Variants in NOL4 observed in about 807,000 individuals in gnomAD.
NOL4 encodes cancer/testis antigen 125.
In NOL4, 17 loss-of-function variants were observed where a neutral mutation model predicts 75.9. The observed-to-expected ratio is 0.22, with a 90% CI of 0.15 to 0.34. The LOEUF (loss-of-function observed/expected upper bound fraction) is 0.34, where lower values mean the gene tolerates loss of function less well. Ranked by LOEUF, NOL4 falls within the 10% of genes least tolerant of loss-of-function variation. The pLI, the probability that NOL4 is intolerant of heterozygous loss-of-function variation, is 1.00. For missense variants in NOL4, 614 were observed against 793.5 expected, an observed-to-expected ratio of 0.77 and a Z score of 2.72; for synonymous variants, 292 against 289.9, an observed-to-expected ratio of 1.01 and a Z score of -0.07.
At chr18:33,915,245 TG>T (rs1210527145) in intron 9 of NOL4, among the ~76,000 whole-genome samples, 1 of 152,058 alleles carries the variant, frequency 6.6e-6, no homozygotes, top group African/African-American at 2.4e-5. Context: ...GGAATAACTT[TG>T]GTGACGGGGT....
Position 34,024,194 on chromosome 18 carries a change from A to AAATATATATATATATATATATAT in NOL4, c.773-4594_773-4593insATATATATATATATATATATATT. ...CAAAATAAACAGGAAAAAAAAAAAA[A>AAATATATATATATATATATATAT]ATATATATATATATATATATAAAAT... On this transcript the variant is annotated intron_variant, in intron 5 of 10. Transcript: ENST00000261592. Among the ~76,000 whole-genome samples, 96 of 70,632 alleles carry AAATATATATATATATATATATAT rather than the reference A, an allele frequency of 1.4e-3. 2 individuals carry two copies. The highest frequency in any genetic ancestry group is 6.3e-3 in the Middle Eastern group (1 of 158). The allele number at this position is 70,632 out of a possible 152,430, so 46.3% of individuals were successfully genotyped here.
At position 34,096,639 on chromosome 18, in the gene NOL4, C is replaced by T. The variant is rs1331998691; in HGVS notation, c.640-3042G>A. ...CTCTATGAAAATCTATTTTGTTTGA[C>T]AACCAGAAAAAAACTCTCCACATCA... is the stretch of plus-strand genomic sequence containing the variant. On this transcript the variant is annotated intron_variant, in intron 4 of 10. Coordinates refer to ENST00000261592, the MANE Select transcript of NOL4 (RefSeq NM_003787.5). Among the ~76,000 whole-genome samples the T allele has an allele frequency of 3.3e-5, 5 of 152,004 alleles. No individual in the cohort carries two copies. The South Asian group carries it at 6.2e-4, about 19-fold the overall frequency.
At chr18:34,162,988 A>G (rs905473586) in intron 1 of NOL4, among the ~76,000 whole-genome samples, 5 of 152,222 alleles carry the variant, frequency 3.3e-5, no homozygotes, top group Non-Finnish European at 5.9e-5. Flanking sequence ...TAAGACTAAA[A>G]TCACGTGATT....
At chr18:34,038,429 A>G (rs1440682584) in intron 5 of NOL4, among the ~76,000 whole-genome samples, 4 of 152,034 alleles carry the variant, frequency 2.6e-5, no homozygotes, top group South Asian at 2.1e-4. Context: ...GAGGATACCT[A>G]CACTAGCATG....
At chr18:33,861,854 T>C (rs1481419284) in intron 10 of NOL4, among the ~76,000 whole-genome samples, 1 of 152,050 alleles carries the variant, frequency 6.6e-6, no homozygotes, top group Non-Finnish European at 1.5e-5. Context: ...CCAAGGTAAT[T>C]TATAGATTCA....
At chr18:34,024,683 T>C (rs2075257454) in intron 5 of NOL4, among the ~76,000 whole-genome samples, 1 of 152,148 alleles carries the variant, frequency 6.6e-6, no homozygotes, top group South Asian at 2.1e-4. Context: ...GAATGAATCC[T>C]TGGTAGCACT....
intron 8 of NOL4, among the ~76,000 whole-genome samples, chr18:33,954,701 CT>C (rs1481821575): frequency 6.6e-6 from 1 of 151,996 alleles, no homozygotes; most frequent in Non-Finnish European, 1.5e-5. Flanking sequence ...AAGAACAAGA[CT>C]TTTCCTCTGT....
At chr18:33,984,305 A>C (rs1040089925) in intron 6 of NOL4, among the ~76,000 whole-genome samples, 6 of 152,178 alleles carry the variant, frequency 3.9e-5, no homozygotes, top group Non-Finnish European at 1.5e-5. Context: ...AATATACCTC[A>C]GGATAGACAC....
At chr18:33,901,023 T>G (rs552416014) in intron 9 of NOL4, among the ~76,000 whole-genome samples, 1 of 152,298 alleles carries the variant, frequency 6.6e-6, no homozygotes, top group Non-Finnish European at 1.5e-5. Flanking sequence ...GCTTTGCAAG[T>G]TCATGTGAAT....
intron 1 of NOL4, among the ~76,000 whole-genome samples, chr18:34,145,925 T>G (rs570028760): frequency 7.3e-4 from 111 of 152,228 alleles, no homozygotes; most frequent in Admixed American, 1.2e-3. Context: ...TCAGTGAGAC[T>G]ACATATATAT....
At chr18:34,218,107 AAAAAAC>A (rs1335573707) in intron 1 of NOL4, among the ~76,000 whole-genome samples, 2 of 151,738 alleles carry the variant, frequency 1.3e-5, no homozygotes, top group African/African-American at 2.4e-5. Flanking sequence ...ACCAAAAAAA[AAAAAAC>A]AAAAAACAAA....
intron 6 of NOL4, among the ~76,000 whole-genome samples, chr18:34,012,297 G>A (rs549575816): frequency 6.3e-4 from 96 of 151,250 alleles, no homozygotes; most frequent in African/African-American, 2.3e-3. Flanking sequence ...TAGTAATGTG[G>A]GTATTTATTC....
At chr18:33,998,295 T>C (rs887430353) in intron 6 of NOL4, among the ~76,000 whole-genome samples, 2 of 152,104 alleles carry the variant, frequency 1.3e-5, no homozygotes, top group African/African-American at 4.8e-5. Context: ...CAAATAATGC[T>C]ACTAAAAAAG....
chr18:33,961,375 T>C (rs565559797), intron 6 of NOL4, among the ~76,000 whole-genome samples: 6 of 151,926 alleles, frequency 3.9e-5, no homozygotes, highest in Non-Finnish European at 7.4e-5. Context: ...CTGAATAGAA[T>C]ACAAAGCAGA....
At chr18:33,985,108 A>G (rs1001598738) in intron 6 of NOL4, among the ~76,000 whole-genome samples, 3 of 152,150 alleles carry the variant, frequency 2.0e-5, no homozygotes, top group South Asian at 4.1e-4. Flanking sequence ...AAAACTGATC[A>G]AAAATTATTT....
At chr18:33,894,534 C>T (rs2065285121) in intron 9 of NOL4, among the ~76,000 whole-genome samples, 1 of 152,068 alleles carries the variant, frequency 6.6e-6, no homozygotes, top group African/African-American at 2.4e-5. Context: ...TTGACTAAAT[C>T]CAGACAACCA....
At chr18:33,973,559 G>C (rs980722004) in intron 6 of NOL4, among the ~76,000 whole-genome samples, 1 of 152,148 alleles carries the variant, frequency 6.6e-6, no homozygotes, top group Non-Finnish European at 1.5e-5. Context: ...AGTAGCTATG[G>C]CAGCCACAGC....
chr18:34,058,288 C>T (rs1046974107), intron 5 of NOL4, among the ~76,000 whole-genome samples: 1 of 152,142 alleles, frequency 6.6e-6, no homozygotes, highest in Non-Finnish European at 1.5e-5. Context: ...CACCCGCCAC[C>T]ACGCCCGGCT....
intron 5 of NOL4, among the ~76,000 whole-genome samples, chr18:34,052,506 T>G (rs931183733): frequency 6.6e-6 from 1 of 152,062 alleles, no homozygotes; most frequent in South Asian, 2.1e-4. Flanking sequence ...GAAAACAAAC[T>G]TTGGAGTATC....
Sources: gnomAD v4.1 joint callset for allele counts (sites outside exome capture counted in the v4.1 genomes callset) on GRCh38, gnomAD v4.1.1 for gene constraint, MANE v1.5 for transcripts, NCBI Gene and HGNC (gene_info 2026-07-23, HGNC 2026-07-21) for gene names.